HEBP2: variants seen among roughly 807,000 people sequenced by gnomAD.
The protein encoded by HEBP2 is heme binding protein 2.
HEBP2 carries 27 observed loss-of-function variants against 23.1 expected under a neutral mutation model. The ratio of observed to expected loss-of-function variants is 1.17; its 90% CI spans 0.86 to 1.61. HEBP2 has a LOEUF of 1.61. Ranked by LOEUF, HEBP2 falls within the 40% of genes most tolerant of loss-of-function variation. HEBP2 has a pLI of 0.00. For synonymous variants in HEBP2, 99 were observed against 95.1 expected, an observed-to-expected ratio of 1.04 and a Z score of -0.24; for missense variants, 245 against 253.8, an observed-to-expected ratio of 0.97 and a Z score of 0.24.
rs879375612 is a variant in HEBP2, at chr6:138,419,324, G to T, written c.*6246G>T. The T allele has an allele frequency of 4.6e-5, 7 of 152,202 alleles. No homozygotes were observed. The highest frequency in any genetic ancestry group is 4.6e-4 in the Admixed American group (7 of 15,278). The allele number at this position is 152,202 out of a possible 1,614,324, so 9.4% of individuals were successfully genotyped here. ...GGTCGCTTGATAGCAAATTCACTAT[G>T]GTAGGCTCATTCTTTCCTAGAAGCA... On this transcript the variant is annotated 3_prime_UTR_variant, in exon 4 of 4. Transcript: ENST00000607197.
chr6:138,419,923 T>C lies in HEBP2; in HGVS notation c.*6845T>C, dbSNP rs1366901484. The C allele has an allele frequency of 6.6e-6, 1 of 152,230 alleles. No homozygotes were observed. The highest frequency in any genetic ancestry group is 1.5e-5 in the Non-Finnish European group (1 of 68,058). The allele number at this position is 152,230 out of a possible 1,614,324, so 9.4% of individuals were successfully genotyped here. ...GTCTGCTGCTACTATGTGGGCACTT[T>C]GGACTCTGTGTTCAGGGACCAGTAG... is the stretch of plus-strand genomic sequence containing the variant. On this transcript the variant is annotated 3_prime_UTR_variant, in exon 4 of 4. Transcript: ENST00000607197.
At chr6:138,405,854 A>T in intron 2 of HEBP2, 117 bp from the exon 3 acceptor site, 1 of 853,974 alleles carries the variant, frequency 1.2e-6, no homozygotes, top group Non-Finnish European at 1.8e-6. Flanking sequence ...AAATTATCTT[A>T]AAGGTAAATA....
chr6:138,405,102 C>T (rs892276206), intron 1 of HEBP2, 43 bp from the exon 2 acceptor site: 2 of 1,600,688 alleles, frequency 1.2e-6, no homozygotes, highest in Non-Finnish European at 8.5e-7. Flanking sequence ...TCACTCCTAC[C>T]CTCTTAGAAT....
Position 138,405,611 on chromosome 6 carries a change from C to T in HEBP2, c.238+331C>T, listed in dbSNP as rs1004315011. On this transcript the variant is annotated intron_variant, in intron 2 of 3. Coordinates refer to ENST00000607197, the MANE Select transcript of HEBP2 (RefSeq NM_014320.3). ...GGTACCAAGATTAGAAGCATCAAGTCATAGCTTTTGGTCTGGCTTTGCTGC... is the reference window on the plus strand; with the variant it reads ...GGTACCAAGATTAGAAGCATCAAGTTATAGCTTTTGGTCTGGCTTTGCTGC... 2.0e-5 allele frequency among the ~76,000 whole-genome samples: 3 copies of T among 152,198 alleles called. No individual in the cohort carries two copies. The East Asian group carries it at 5.8e-4, about 29-fold the overall frequency.
intron 3 of HEBP2, 72 bp downstream of exon 3, chr6:138,406,223 T>C: frequency 1.5e-6 from 2 of 1,358,542 alleles, no homozygotes; most frequent in East Asian, 4.6e-5. Context: ...TTAGCTCCAA[T>C]GCAATTTCAA....
rs2114774928 is a variant in HEBP2, at chr6:138,413,642, CCTTT to C, written c.*571_*574del. ...TCCATTTAAATGTAATGAATTCATT[CCTTT>C]CTTTCTGGTCTCCACTTAACCCCCT... On this transcript the variant is annotated 3_prime_UTR_variant, in exon 4 of 4. Coordinates refer to ENST00000607197, the MANE Select transcript of HEBP2 (RefSeq NM_014320.3). 6.5e-6 allele frequency: 1 copy of C among 152,752 alleles called. No individual in the cohort carries two copies. The highest frequency in any genetic ancestry group is 1.9e-4 in the East Asian group (1 of 5,184). 9.5% of individuals were successfully genotyped at this position (152,752 alleles called of 1,614,324 possible). A position where few individuals can be genotyped will look rare whatever the true frequency, so the allele number is the denominator to read the frequency against.
In HEBP2 at chr6:138,417,814, A is replaced by G. The variant is rs1008934648; in HGVS notation, c.*4736A>G. 3.9e-5 allele frequency: 6 copies of G among 152,196 alleles called. No individual in the cohort carries two copies. Among genetic ancestry groups the G allele is most frequent in the Non-Finnish European group, 8.8e-5 (6 of 68,034 alleles). 9.4% of individuals were successfully genotyped at this position (152,196 alleles called of 1,614,324 possible). The stretch of plus-strand genomic sequence containing the variant: ...GAAATGAGTAACTGGAAATTAGTAG[A>G]GCAAATAATTTACAGATCATCTATG... On this transcript the variant is annotated 3_prime_UTR_variant, in exon 4 of 4. Transcript: ENST00000607197.
At chr6:138,410,817 A>G (rs1033049196) in intron 3 of HEBP2, among the ~76,000 whole-genome samples, 1 of 152,220 alleles carries the variant, frequency 6.6e-6, no homozygotes, top group African/African-American at 2.4e-5. Flanking sequence ...GTTCAGAATT[A>G]TATTCAATCG....
rs957014494 is a variant in HEBP2 at position 138,420,316 on chromosome 6, A to G, written c.*7238A>G. Reference sequence around the variant, plus strand: ...GGAAGGTGCTATAGTTGGTCCTACCAAACTCCTCTTTCAACATTTATCCTC... The same window carrying G: ...GGAAGGTGCTATAGTTGGTCCTACCGAACTCCTCTTTCAACATTTATCCTC... On this transcript the variant is annotated 3_prime_UTR_variant, in exon 4 of 4. Coordinates refer to ENST00000607197, the MANE Select transcript of HEBP2 (RefSeq NM_014320.3). 1 of 152,192 alleles carries G rather than the reference A, an allele frequency of 6.6e-6. No homozygotes were observed. Among genetic ancestry groups the G allele is most frequent in the South Asian group, 2.1e-4 (1 of 4,830 alleles). 9.4% of individuals were successfully genotyped at this position (152,192 alleles called of 1,614,324 possible).
In HEBP2 at chr6:138,404,572, A is replaced by C; in HGVS notation, c.77A>C (p.Lys26Thr). ...AAQAVETPGW[K>T]APEDAGPQPG... ...CAAGCTGTGGAGACGCCGGGCTGGA[A>C]GGCCCCGGAGGACGCCGGCCCCCAG... The change falls in exon 1 of 4, where the codon AAG becomes ACG. Residue 26 changes from lysine (K) to threonine (T), a missense_variant. Coordinates refer to ENST00000607197, the MANE Select transcript of HEBP2 (RefSeq NM_014320.3). 7.7e-7 allele frequency: 1 copy of C among 1,299,182 alleles called. No individual in the cohort carries two copies. Among genetic ancestry groups the C allele is most frequent in the Non-Finnish European group, 9.8e-7 (1 of 1,023,974 alleles). 80.5% of individuals were successfully genotyped at this position (1,299,182 alleles called of 1,614,324 possible).
intron 3 of HEBP2, among the ~76,000 whole-genome samples, chr6:138,411,915 G>GCAACAGACAGAGTGAGACTCTGT (rs1450282743): frequency 6.6e-6 from 1 of 152,080 alleles, no homozygotes; most frequent in African/African-American, 2.4e-5. Flanking sequence ...TCCAGCCTGG[G>GCAACAGACAGAGTGAGACTCTGT]CAACAGACAG....
Position 138,412,872 on chromosome 6 carries a change from C to T in HEBP2, c.420-8C>T, listed in dbSNP as rs1562241138. ...ATCATTCACGGTTATTTCCTTTCTC[C>T]TTTGTAGGTCTTTCGATGGATTTTC... On this transcript the variant is annotated splice_polypyrimidine_tract_variant and splice_region_variant and intron_variant, in intron 3 of 3. Transcript: ENST00000607197. The T allele has an allele frequency of 1.2e-6, 2 of 1,609,310 alleles. No homozygotes were observed. Among genetic ancestry groups the T allele is most frequent in the East Asian group, 2.2e-5 (1 of 44,846 alleles).
intron 3 of HEBP2, among the ~76,000 whole-genome samples, chr6:138,411,834 C>T (rs1289199291): frequency 1.3e-5 from 2 of 152,100 alleles, no homozygotes; most frequent in African/African-American, 4.8e-5. Flanking sequence ...ACCTGTGGTT[C>T]CAGCAACTTG....
At chr6:138,410,732 C>T (rs1457766380) in intron 3 of HEBP2, among the ~76,000 whole-genome samples, 3 of 152,160 alleles carry the variant, frequency 2.0e-5, no homozygotes, top group African/African-American at 4.8e-5. Context: ...GTGATCCACC[C>T]GCCTTGGCTT....
rs1038095104 is a variant in HEBP2 at position 138,404,470 on chromosome 6, A to G, written c.-26A>G. 8.0e-6 allele frequency: 10 copies of G among 1,253,024 alleles called. No individual in the cohort carries two copies. The highest frequency in any genetic ancestry group is 1.0e-5 in the Non-Finnish European group (10 of 998,536). 77.6% of individuals were successfully genotyped at this position (1,253,024 alleles called of 1,614,324 possible). A position where few individuals can be genotyped will look rare whatever the true frequency, so the allele number is the denominator to read the frequency against. On this transcript the variant is annotated 5_prime_UTR_variant, in exon 1 of 4. Coordinates refer to ENST00000607197, the MANE Select transcript of HEBP2 (RefSeq NM_014320.3). ...GTGCGGGGCCTCTGCGCGGCTGACC[A>G]GGCTCCCAGAGCGTCAGCGCCGCCC...
In HEBP2 at chr6:138,406,029, T is replaced by G. The variant is rs140459982; in HGVS notation, c.297T>G (p.Pro99=). 1.5e-3 allele frequency: 2,435 copies of G among 1,614,084 alleles called. 12 individuals are homozygous for G. Among genetic ancestry groups the G allele is most frequent in the Middle Eastern group, 8.9e-3 (54 of 6,062 alleles). ...GCTACGTGGAGCCTGGTTCAGGTCC[T>G]TTTAGTGAGTCTACCATTACCATTT... The part of the protein sequence containing the change: ...VTSYVEPGSG[P]FSESTITISL... The change falls in exon 3 of 4, where the codon CCT becomes CCG. Residue 99 remains proline, a synonymous_variant. Coordinates refer to ENST00000607197, the MANE Select transcript of HEBP2 (RefSeq NM_014320.3).
chr6:138,404,677 T>A, intron 1 of HEBP2, 80 bp downstream of exon 1: 1 of 933,820 alleles, frequency 1.1e-6, no homozygotes, highest in Non-Finnish European at 1.4e-6. Context: ...CCCATAGAGT[T>A]AAGTAAAAAG....
In HEBP2 at chr6:138,418,477, A is replaced by C. The variant is rs1774871674; in HGVS notation, c.*5399A>C. 6.6e-6 allele frequency: 1 copy of C among 152,278 alleles called. No homozygotes were observed. Among genetic ancestry groups the C allele is most frequent in the Non-Finnish European group, 1.5e-5 (1 of 68,072 alleles). 9.4% of individuals were successfully genotyped at this position (152,278 alleles called of 1,614,324 possible). ...AGTGATGCTGTATCCAGAACTGCTC[A>C]TCTTAACTAGGTCCTGTGGGAAGCA... On this transcript the variant is annotated 3_prime_UTR_variant, in exon 4 of 4. Coordinates refer to ENST00000607197, the MANE Select transcript of HEBP2 (RefSeq NM_014320.3).
In HEBP2 at chr6:138,421,529, G is replaced by A. The variant is rs1051996749; in HGVS notation, c.*8451G>A. The stretch of plus-strand genomic sequence containing the variant: ...TCTCCCCACTGATAGTAAAAATAAA[G>A]TGGAAATAATTTAGGGCTGGGGCTT... On this transcript the variant is annotated 3_prime_UTR_variant, in exon 4 of 4. Transcript: ENST00000607197. 6.6e-6 allele frequency: 1 copy of A among 152,186 alleles called. No homozygotes were observed. Among genetic ancestry groups the A allele is most frequent in the African/African-American group, 2.4e-5 (1 of 41,442 alleles). 9.4% of individuals were successfully genotyped at this position (152,186 alleles called of 1,614,324 possible).
Sources: allele counts gnomAD v4.1 joint callset (sites outside exome capture counted in the v4.1 genomes callset), GRCh38; gene constraint gnomAD v4.1.1; transcripts MANE v1.5; gene names NCBI Gene and HGNC (gene_info 2026-07-23, HGNC 2026-07-21).